MFHAS1: variants seen among roughly 807,000 people sequenced by gnomAD.
The protein encoded by MFHAS1 is multifunctional ROCO family signaling regulator 1, also known as malignant fibrous histiocytoma-amplified sequence 1.
A neutral mutation model predicts 70.4 loss-of-function variants in MFHAS1; 50 were observed. The ratio of observed to expected loss-of-function variants is 0.71; its 90% CI spans 0.57 to 0.90. The LOEUF (loss-of-function observed/expected upper bound fraction) is 0.90. MFHAS1 is among the 40% of genes least tolerant of loss of function. The probability of loss-of-function intolerance (pLI) is 0.00; values close to 1 mark genes in which losing one functional copy is unlikely to be tolerated. For missense variants in MFHAS1, 1,795 were observed against 1,347.6 expected, an observed-to-expected ratio of 1.33 and a Z score of -5.20; for synonymous variants, 952 against 620.0, an observed-to-expected ratio of 1.54 and a Z score of -7.96.
At chr8:8,787,999 G>C (rs745820978) in intron 2 of MFHAS1, among the ~76,000 whole-genome samples, 13 of 152,092 alleles carry the variant, frequency 8.5e-5, no homozygotes, top group Non-Finnish European at 1.5e-4. Flanking sequence ...CCATAAACTT[G>C]TCCTCCTTCT....
intron 1 of MFHAS1, among the ~76,000 whole-genome samples, chr8:8,856,997 A>G: frequency 6.8e-6 from 1 of 147,736 alleles, no homozygotes; most frequent in Non-Finnish European, 1.5e-5. Context: ...AAAAAAAAAA[A>G]AAAAAAAAAA....
chr8:8,836,940 A>T (rs1202606971), intron 1 of MFHAS1, among the ~76,000 whole-genome samples: 1 of 152,232 alleles, frequency 6.6e-6, no homozygotes, highest in Non-Finnish European at 1.5e-5. Context: ...CTTTAAAGAC[A>T]TATTAAGTCT....
At chr8:8,858,268 G>C (rs1194328490) in intron 1 of MFHAS1, among the ~76,000 whole-genome samples, 5 of 152,118 alleles carry the variant, frequency 3.3e-5, no homozygotes, top group African/African-American at 7.2e-5. Flanking sequence ...ATTTTATTCA[G>C]TCCTTACAAG....
intron 2 of MFHAS1, among the ~76,000 whole-genome samples, chr8:8,795,932 G>A (rs1401127475): frequency 6.6e-6 from 1 of 152,190 alleles, no homozygotes; most frequent in African/African-American, 2.4e-5. Context: ...CGAGTTTGCT[G>A]CATGGATATG....
chr8:8,822,694 G>A (rs1467874008), intron 1 of MFHAS1, among the ~76,000 whole-genome samples: 1 of 150,760 alleles, frequency 6.6e-6, no homozygotes, highest in East Asian at 1.9e-4. Context: ...CCAAGTCAGG[G>A]GGACTGAGAT....
chr8:8,826,325 C>G (rs954054365), intron 1 of MFHAS1, among the ~76,000 whole-genome samples: 2 of 151,830 alleles, frequency 1.3e-5, no homozygotes, highest in South Asian at 4.2e-4. Flanking sequence ...CTTCCATATT[C>G]ACAGAACTCT....
At chr8:8,830,545 C>A (rs181567331) in intron 1 of MFHAS1, among the ~76,000 whole-genome samples, 1 of 152,238 alleles carries the variant, frequency 6.6e-6, no homozygotes, top group East Asian at 1.9e-4. Context: ...TCTAATTTTA[C>A]AGGAAAGGAA....
chr8:8,833,768 T>G (rs4840370), intron 1 of MFHAS1, among the ~76,000 whole-genome samples: 51,569 of 152,084 alleles, frequency 0.34, 9,102 homozygotes, highest in Non-Finnish European at 0.4. Flanking sequence ...AGTGACTTTA[T>G]TCACATTGCC....
intron 1 of MFHAS1, among the ~76,000 whole-genome samples, chr8:8,834,492 T>C (rs897709781): frequency 2.0e-5 from 3 of 152,226 alleles, no homozygotes; most frequent in Non-Finnish European, 2.9e-5. Flanking sequence ...ATTTTGACAG[T>C]ACCTCTTCTG....
At chr8:8,847,614 C>T (rs1471197888) in intron 1 of MFHAS1, among the ~76,000 whole-genome samples, 3 of 152,104 alleles carry the variant, frequency 2.0e-5, no homozygotes, top group Admixed American at 1.3e-4. Context: ...ATAAAAAGAG[C>T]CCTATGCTTA....
intron 1 of MFHAS1, among the ~76,000 whole-genome samples, chr8:8,838,618 C>A (rs1353864388): frequency 1.3e-5 from 2 of 151,856 alleles, no homozygotes; most frequent in Non-Finnish European, 2.9e-5. Context: ...TTCAAGACCA[C>A]CCTGGCCAAC....
chr8:8,832,379 G>A (rs557512780), intron 1 of MFHAS1, among the ~76,000 whole-genome samples: 16 of 147,398 alleles, frequency 1.1e-4, no homozygotes, highest in East Asian at 2.1e-4. Flanking sequence ...ATGATAAGAC[G>A]ACAAGCAACC....
chr8:8,851,744 A>C (rs1343883528), intron 1 of MFHAS1, among the ~76,000 whole-genome samples: 1 of 152,222 alleles, frequency 6.6e-6, no homozygotes, highest in African/African-American at 2.4e-5. Context: ...ATTTAAAATA[A>C]GAACAAATAC....
At position 8,848,400 on chromosome 8, in the gene MFHAS1, A is replaced by G. The variant is rs866989372; in HGVS notation, c.2998+41661T>C. 9.7e-3 allele frequency among the ~76,000 whole-genome samples: 1,455 copies of G among 149,552 alleles called. 23 individuals are homozygous for G. Among genetic ancestry groups the G allele is most frequent in the African/African-American group, 0.034 (1,397 of 40,672 alleles). On this transcript the variant is annotated intron_variant, in intron 1 of 2. Transcript: ENST00000276282. ...GCCAGTCAGGCCTAAAGAGGAAGAA[A>G]AAAAAAAAAAAAAGAAGCCATGCCA...
chr8:8,802,800 C>T (rs1806126891), intron 1 of MFHAS1, among the ~76,000 whole-genome samples: 1 of 152,144 alleles, frequency 6.6e-6, no homozygotes, highest in Admixed American at 6.5e-5. Flanking sequence ...GGAAAGCAGG[C>T]TACAGAACTT....
chr8:8,890,974 CA>C lies in MFHAS1; in HGVS notation c.2084del (p.Leu695ArgfsTer60). The C allele has an allele frequency of 1.2e-6, 2 of 1,613,652 alleles. No individual in the cohort carries two copies. The highest frequency in any genetic ancestry group is 1.7e-6 in the Non-Finnish European group (2 of 1,179,888). On this transcript the variant is annotated frameshift_variant, in exon 1 of 3. Coordinates refer to ENST00000276282, the MANE Select transcript of MFHAS1 (RefSeq NM_004225.3). LOFTEE classifies it high-confidence loss of function. ...GGGCACTCTGCAGTCGGTCCTCGGT[CA>C]GACCCGCCTGCAGGCCCAAGCGCGC... ...DSARLGLQAGLTEDRLQSALS... is the reference protein window; with the variant it reads ...DSARLGLQAGXTEDRLQSALS...
intron 2 of MFHAS1, among the ~76,000 whole-genome samples, chr8:8,791,513 A>G (rs10092600): frequency 0.29 from 43,884 of 152,002 alleles, 6,931 homozygotes; most frequent in African/African-American, 0.39. Flanking sequence ...AAAGCTCTTT[A>G]GAAGGAGAAA....
At chr8:8,815,950 G>A (rs188534286) in intron 1 of MFHAS1, among the ~76,000 whole-genome samples, 10 of 152,266 alleles carry the variant, frequency 6.6e-5, no homozygotes, top group African/African-American at 1.7e-4. Context: ...TGGCATATTC[G>A]TACAATAGAC....
In MFHAS1 at chr8:8,893,481, C is replaced by G. The variant is rs1810184211; in HGVS notation, c.-423G>C. The G allele has an allele frequency of 6.9e-6, 1 of 145,220 alleles. No individual in the cohort carries two copies. The highest frequency in any genetic ancestry group is 2.5e-5 in the African/African-American group (1 of 40,334). The allele number at this position is 145,220 out of a possible 1,614,324, so 9.0% of individuals were successfully genotyped here. On this transcript the variant is annotated 5_prime_UTR_variant, in exon 1 of 3. Transcript: ENST00000276282. Reference sequence around the variant, plus strand: ...CGAGCTCCTGGGGGAGGGCGGCGCTCGGCCCGGCGGCGGGCATGCTGCGGG... The same window carrying G: ...CGAGCTCCTGGGGGAGGGCGGCGCTGGGCCCGGCGGCGGGCATGCTGCGGG...
Sources: gnomAD v4.1 joint callset for allele counts (sites outside exome capture counted in the v4.1 genomes callset) on GRCh38, gnomAD v4.1.1 for gene constraint, MANE v1.5 for transcripts, NCBI Gene and HGNC (gene_info 2026-07-23, HGNC 2026-07-21) for gene names.